Variants in SEC24A observed in about 807,000 individuals in gnomAD.
The protein encoded by SEC24A is protein transport protein Sec24A.
A neutral mutation model predicts 129.4 loss-of-function variants in SEC24A; 93 were observed. That is an observed-to-expected ratio of 0.72 (90% CI 0.61 to 0.85). The LOEUF (loss-of-function observed/expected upper bound fraction) is 0.85. Ranked by LOEUF, SEC24A falls within the 40% of genes least tolerant of loss-of-function variation. The pLI is 0.00. For missense variants in SEC24A, 1,264 were observed against 1,307.4 expected, an observed-to-expected ratio of 0.97 and a Z score of 0.51; for synonymous variants, 460 against 467.3, an observed-to-expected ratio of 0.98 and a Z score of 0.20.
At position 134,703,933 on chromosome 5, in the gene SEC24A, G is replaced by A. The variant is rs1350919790; in HGVS notation, c.2440+1G>A. 6.5e-7 allele frequency: 1 copy of A among 1,540,534 alleles called. No homozygotes were observed. Among genetic ancestry groups the A allele is most frequent in the East Asian group, 2.3e-5 (1 of 43,812 alleles). On this transcript the variant is annotated splice_donor_variant, in intron 16 of 22. Transcript: ENST00000398844. LOFTEE classifies it high-confidence loss of function. ...GCACTCTTGTATACATCCAGCAAAGGTAAATTGTTTGTTTTTTTTTGGATT... is the reference window on the plus strand; with the variant it reads ...GCACTCTTGTATACATCCAGCAAAGATAAATTGTTTGTTTTTTTTTGGATT...
At position 134,725,058 on chromosome 5, in the gene SEC24A, A is replaced by G; in HGVS notation, c.3246A>G (p.Glu1082=). ...DRTESALSYY[E]FLLHIQQQVN... Reference sequence around the variant, plus strand: ...CAGAATCTGCATTATCATATTATGAATTCCTGTTGCATATACAGCAACAAG... The same window carrying G: ...CAGAATCTGCATTATCATATTATGAGTTCCTGTTGCATATACAGCAACAAG... Residue 1082 remains glutamate, a synonymous_variant, in exon 23 of 23, where the codon GAA becomes GAG. Coordinates refer to ENST00000398844, the MANE Select transcript of SEC24A (RefSeq NM_021982.3). The G allele has an allele frequency of 5.0e-6, 8 of 1,591,618 alleles. No homozygotes were observed. In the South Asian group the frequency reaches 6.7e-5, roughly 13 times the overall value.
intron 1 of SEC24A, among the ~76,000 whole-genome samples, chr5:134,657,098 T>C (rs1750274949): frequency 1.3e-5 from 2 of 151,246 alleles, no homozygotes; most frequent in African/African-American, 4.9e-5. Flanking sequence ...GGTGGGAGGA[T>C]CGCTTGAGCT....
At chr5:134,686,476 A>G (rs927172032) in intron 9 of SEC24A, among the ~76,000 whole-genome samples, 1 of 152,138 alleles carries the variant, frequency 6.6e-6, no homozygotes, top group Non-Finnish European at 1.5e-5. Context: ...ACCTCAGGTG[A>G]TCTGCCCGCC....
intron 15 of SEC24A, among the ~76,000 whole-genome samples, chr5:134,699,696 C>CTTTTT (rs746836417): frequency 1.9e-4 from 21 of 112,718 alleles, no homozygotes; most frequent in African/African-American, 3.9e-4. Context: ...TTTGTACTCT[C>CTTTTT]TTTTTTTTTT....
At position 134,708,845 on chromosome 5, in the gene SEC24A, C is replaced by T. The variant is rs374226403; in HGVS notation, c.2684C>T (p.Ser895Phe). The T allele has an allele frequency of 1.2e-6, 2 of 1,613,864 alleles. No individual in the cohort carries two copies. The highest frequency in any genetic ancestry group is 1.1e-5 in the South Asian group (1 of 91,052). ...NQQPGLMVPF[S>F]LRLFPLFVLA... ...CAGCCTGGACTCATGGTTCCTTTTT[C>T]TTTGCGGCTTTTCCCACTTTTTGTG... Residue 895 changes from serine to phenylalanine, a missense_variant, in exon 18 of 23, where the codon TCT (serine) becomes TTT (phenylalanine). Physicochemically the swap from Ser to Phe is radical, Grantham distance 155. Coordinates refer to ENST00000398844, the MANE Select transcript of SEC24A (RefSeq NM_021982.3).
rs1451673702 is a variant in SEC24A, at chr5:134,726,853, A to T, written c.*1759A>T. ...GTAGTAAAGAATCTTCTAGAGGGAA[A>T]CATTTGTGCTTTTAGGGATAATCTT... On this transcript the variant is annotated 3_prime_UTR_variant, in exon 23 of 23. Coordinates refer to ENST00000398844, the MANE Select transcript of SEC24A (RefSeq NM_021982.3). 3 of 152,176 alleles carry T rather than the reference A, an allele frequency of 2.0e-5. No homozygotes were observed. In the East Asian group the frequency reaches 5.8e-4, roughly 29 times the overall value. 9.4% of individuals were successfully genotyped at this position (152,176 alleles called of 1,614,324 possible). A position where few individuals can be genotyped will look rare whatever the true frequency, so the allele number is the denominator to read the frequency against.
intron 1 of SEC24A, among the ~76,000 whole-genome samples, chr5:134,656,471 C>T (rs1325316391): frequency 1.3e-5 from 2 of 151,820 alleles, no homozygotes; most frequent in Non-Finnish European, 2.9e-5. Flanking sequence ...ATCTCTCTTC[C>T]CTTTGCCATT....
At position 134,723,807 on chromosome 5, in the gene SEC24A, C is replaced by T. The variant is rs147215510; in HGVS notation, c.3167+137C>T. On this transcript the variant is annotated intron_variant, in intron 22 of 22. Transcript: ENST00000398844. ...ATAGCAGTAAATCATACCTTATATCCAATGATTGGAAATACAGAACTTTTT... is the reference window on the plus strand; with the variant it reads ...ATAGCAGTAAATCATACCTTATATCTAATGATTGGAAATACAGAACTTTTT... 2.0e-4 allele frequency: 119 copies of T among 583,486 alleles called. No individual in the cohort carries two copies. In the African/African-American group the frequency reaches 2.1e-3, roughly 10 times the overall value. The allele number at this position is 583,486 out of a possible 1,614,324, so 36.1% of individuals were successfully genotyped here.
At position 134,718,140 on chromosome 5, in the gene SEC24A, C is replaced by T. The variant is rs1266821241; in HGVS notation, c.2937C>T (p.Ser979=). 1.2e-6 allele frequency: 2 copies of T among 1,613,982 alleles called. No individual in the cohort carries two copies. The highest frequency in any genetic ancestry group is 1.7e-6 in the Non-Finnish European group (2 of 1,179,884). Residue 979 remains serine, a synonymous_variant, in exon 20 of 23, where the codon AGC becomes AGT. Coordinates refer to ENST00000398844, the MANE Select transcript of SEC24A (RefSeq NM_021982.3). ...PILQLSVEKL[S]RDGAFLMDAG... is the part of the protein sequence containing the mutation. ...TTCAGCTTTCAGTGGAGAAGCTGAG[C>T]AGAGATGGAGCTTTCCTCATGGATG...
At chr5:134,721,843 G>A (rs573770067) in intron 21 of SEC24A, among the ~76,000 whole-genome samples, 6 of 152,140 alleles carry the variant, frequency 3.9e-5, no homozygotes, top group Admixed American at 6.6e-5. Flanking sequence ...CTGCACTCCC[G>A]CCTGGGCAAC....
intron 15 of SEC24A, among the ~76,000 whole-genome samples, chr5:134,699,301 C>CTTTTTTTTTTTTTTTTTTTTTTTTTTTT (rs1208203003): frequency 1.4e-5 from 2 of 138,422 alleles, no homozygotes; most frequent in African/African-American, 5.5e-5. Context: ...CCATTTTATC[C>CTTTTTTTTTTTTTTTTTTTTTTTTTTTT]TTTTTTTTTT....
At chr5:134,713,874 CAAAAAAA>C (rs151183691) in intron 18 of SEC24A, among the ~76,000 whole-genome samples, 1 of 94,892 alleles carries the variant, frequency 1.1e-5, no homozygotes, top group East Asian at 2.6e-4. Flanking sequence ...ACTAAAAATA[CAAAAAAA>C]AAAAAAAAAA....
chr5:134,707,065 G>GCA (rs1348853354), intron 17 of SEC24A, among the ~76,000 whole-genome samples: 6 of 152,090 alleles, frequency 3.9e-5, no homozygotes, highest in Non-Finnish European at 7.4e-5. Flanking sequence ...CTTGAATCCT[G>GCA]GGCTCAAGCA....
chr5:134,688,033 A>C, intron 10 of SEC24A, 148 bp from the exon 11 acceptor site: 1 of 650,098 alleles, frequency 1.5e-6, no homozygotes. Flanking sequence ...TTTTCATGGT[A>C]AACGTTGGGT....
chr5:134,648,594 C>G (rs780390523), upstream of SEC24A: 1 of 152,766 alleles, frequency 6.5e-6, no homozygotes. Flanking sequence ...TCCGGCCGGC[C>G]GTGAGAGTCG....
At chr5:134,717,231 C>T (rs534878629) in intron 19 of SEC24A, among the ~76,000 whole-genome samples, 8 of 152,076 alleles carry the variant, frequency 5.3e-5, no homozygotes, top group African/African-American at 7.2e-5. Context: ...TGGCCAGGCA[C>T]GGTAAATCAC....
At position 134,715,090 on chromosome 5, in the gene SEC24A, A is replaced by T. The variant is rs1752438608; in HGVS notation, c.2794A>T (p.Asn932Tyr). 1.4e-5 allele frequency: 23 copies of T among 1,612,386 alleles called. No individual in the cohort carries two copies. The highest frequency in any genetic ancestry group is 1.8e-5 in the Non-Finnish European group (21 of 1,179,630). The change falls in exon 19 of 23, where the codon AAC (asparagine) becomes TAC (tyrosine). Residue 932 changes from asparagine (N) to tyrosine (Y), a missense_variant. Physicochemically the swap from Asn to Tyr is moderately radical, Grantham distance 143. Coordinates refer to ENST00000398844, the MANE Select transcript of SEC24A (RefSeq NM_021982.3). ...CATTTTTGCTATGTGTCAAGTGAAA[A>T]ACCAGCCCTTGGTTTACCTTATGCT... ...ERIFAMCQVK[N>Y]QPLVYLMLTT...
intron 3 of SEC24A, among the ~76,000 whole-genome samples, chr5:134,668,631 C>A (rs1454127296): frequency 6.6e-6 from 1 of 152,160 alleles, no homozygotes; most frequent in Admixed American, 6.6e-5. Flanking sequence ...GAGGCTGAGG[C>A]AGGAGAATTG....
intron 1 of SEC24A, among the ~76,000 whole-genome samples, chr5:134,654,188 G>T (rs886167932): frequency 1.5e-4 from 22 of 150,872 alleles, no homozygotes; most frequent in African/African-American, 5.4e-4. Context: ...AAAAACAAAA[G>T]ACCTAACAGT....
Sources: gnomAD v4.1 joint callset for allele counts (sites outside exome capture counted in the v4.1 genomes callset) on GRCh38, gnomAD v4.1.1 for gene constraint, MANE v1.5 for transcripts, NCBI Gene and HGNC (gene_info 2026-07-23, HGNC 2026-07-21) for gene names.